Variants in CNTN5 observed in about 807,000 individuals in gnomAD.
The protein encoded by CNTN5 is contactin-5.
In CNTN5, 77 loss-of-function variants were observed where a neutral mutation model predicts 129.1. That is an observed-to-expected ratio of 0.60 (90% CI 0.50 to 0.72). CNTN5 has a LOEUF of 0.72. Ranked by LOEUF, CNTN5 falls within the 30% of genes least tolerant of loss-of-function variation. CNTN5 has a pLI of 0.00. For synonymous variants in CNTN5, 509 were observed against 465.6 expected (o/e 1.09, Z -1.20); for missense variants, 1,478 against 1,328.8 (o/e 1.11, Z -1.75).
chr11:99,289,514 A>G, intron 1 of CNTN5, among the ~76,000 whole-genome samples: 1 of 151,862 alleles, frequency 6.6e-6, no homozygotes, highest in Middle Eastern at 3.4e-3. Flanking sequence ...AATACACTCA[A>G]CTAAAATATG....
At chr11:99,342,568 T>C (rs1468045326) in intron 2 of CNTN5, among the ~76,000 whole-genome samples, 4 of 37,628 alleles carry the variant, frequency 1.1e-4, no homozygotes, top group African/African-American at 6.7e-4. Context: ...AACCCCGTTA[T>C]CTCAAAAAAA....
chr11:99,389,186 T>C (rs899148374), intron 2 of CNTN5, among the ~76,000 whole-genome samples: 2 of 151,852 alleles, frequency 1.3e-5, no homozygotes, highest in Non-Finnish European at 2.9e-5. Flanking sequence ...TGTGCCACCA[T>C]GCCTAGCTAA....
At chr11:99,347,333 G>A (rs1440415727) in intron 2 of CNTN5, among the ~76,000 whole-genome samples, 3 of 152,156 alleles carry the variant, frequency 2.0e-5, no homozygotes, top group Admixed American at 6.5e-5. Flanking sequence ...GACACAGGGC[G>A]TGGGAAGTGT....
intron 1 of CNTN5, among the ~76,000 whole-genome samples, chr11:99,248,941 A>G (rs1861958172): frequency 6.6e-6 from 1 of 152,050 alleles, no homozygotes; most frequent in Non-Finnish European, 1.5e-5. Context: ...TTGACTTGGC[A>G]ATGTCGGCTC....
chr11:99,781,292 C>G (rs1488053412), intron 3 of CNTN5, among the ~76,000 whole-genome samples: 1 of 152,020 alleles, frequency 6.6e-6, no homozygotes, highest in African/African-American at 2.4e-5. Flanking sequence ...TTGCTCAACT[C>G]AACAGTGGAG....
intron 18 of CNTN5, among the ~76,000 whole-genome samples, chr11:100,292,576 C>T (rs1276357845): frequency 6.6e-6 from 1 of 151,966 alleles, no homozygotes; most frequent in African/African-American, 2.4e-5. Context: ...AGCATCTGAA[C>T]TTCTCTATAG....
intron 13 of CNTN5, among the ~76,000 whole-genome samples, chr11:100,136,017 TC>T (rs559284816): frequency 1.4e-3 from 208 of 152,250 alleles, no homozygotes; most frequent in Non-Finnish European, 1.9e-3. Context: ...AGTGCTATGT[TC>T]AGGGGCATAT....
Position 100,168,266 on chromosome 11 carries a change from G to A in CNTN5, c.1581-22860G>A, listed in dbSNP as rs113825667. ...ATGAAAGTGGCTACACTAAACAGTAGATTTTCAATGTAGACAAAACAGCCT... is the reference window on the plus strand; with the variant it reads ...ATGAAAGTGGCTACACTAAACAGTAAATTTTCAATGTAGACAAAACAGCCT... On this transcript the variant is annotated intron_variant, in intron 13 of 24. Coordinates refer to ENST00000524871, the MANE Select transcript of CNTN5 (RefSeq NM_014361.4). 9.9e-3 allele frequency among the ~76,000 whole-genome samples: 1,505 copies of A among 152,078 alleles called. 22 individuals are homozygous for A. The highest frequency in any genetic ancestry group is 0.031 in the African/African-American group (1,298 of 41,536).
At chr11:99,348,341 C>A (rs997801002) in intron 2 of CNTN5, among the ~76,000 whole-genome samples, 2 of 152,008 alleles carry the variant, frequency 1.3e-5, no homozygotes, top group East Asian at 1.9e-4. Flanking sequence ...TCCGTCCCCC[C>A]CAAAAAAATA....
intron 18 of CNTN5, among the ~76,000 whole-genome samples, chr11:100,284,050 G>A (rs1188900695): frequency 6.6e-6 from 1 of 152,168 alleles, no homozygotes; most frequent in East Asian, 1.9e-4. Flanking sequence ...AAGCGACACT[G>A]AATTTAATGT....
intron 9 of CNTN5, 106 bp downstream of exon 9, chr11:100,002,242 A>G (rs892001163): frequency 6.2e-6 from 4 of 646,352 alleles, no homozygotes; most frequent in Non-Finnish European, 9.9e-6. Context: ...CAGTTGTTCC[A>G]TGGTGGCTAT....
chr11:99,766,536 A>C (rs1342631262), intron 3 of CNTN5, among the ~76,000 whole-genome samples: 1 of 152,030 alleles, frequency 6.6e-6, no homozygotes, highest in African/African-American at 2.4e-5. Flanking sequence ...AACTAATATA[A>C]AGTTCTAAAA....
intron 13 of CNTN5, among the ~76,000 whole-genome samples, chr11:100,147,092 C>CTTTA (rs960436490): frequency 7.2e-5 from 11 of 152,086 alleles, no homozygotes; most frequent in Non-Finnish European, 1.3e-4. Context: ...AGTCCATACT[C>CTTTA]TTTAGCATGG....
At chr11:99,701,495 T>C (rs944898102) in intron 3 of CNTN5, among the ~76,000 whole-genome samples, 8 of 151,152 alleles carry the variant, frequency 5.3e-5, no homozygotes, top group African/African-American at 1.9e-4. Context: ...CAAAGTGATA[T>C]AAATATTAGA....
At chr11:99,226,213 A>G (rs1416901944) in intron 1 of CNTN5, among the ~76,000 whole-genome samples, 2 of 152,194 alleles carry the variant, frequency 1.3e-5, no homozygotes, top group Admixed American at 1.3e-4. Flanking sequence ...AATCTATGAA[A>G]GAATTTTAGT....
chr11:99,547,155 C>T (rs540204988), intron 2 of CNTN5, among the ~76,000 whole-genome samples: 2 of 152,132 alleles, frequency 1.3e-5, no homozygotes, highest in South Asian at 4.1e-4. Flanking sequence ...AGTCATGCAC[C>T]ACCACACCCG....
At chr11:99,791,775 A>G (rs1333434383) in intron 3 of CNTN5, among the ~76,000 whole-genome samples, 1 of 151,824 alleles carries the variant, frequency 6.6e-6, no homozygotes, top group Non-Finnish European at 1.5e-5. Context: ...GTCTTTTCTG[A>G]TTTCTTAGAG....
intron 2 of CNTN5, among the ~76,000 whole-genome samples, chr11:99,349,419 A>G (rs944061867): frequency 7.2e-5 from 11 of 152,260 alleles, no homozygotes; most frequent in African/African-American, 2.6e-4. Flanking sequence ...CATGGCATTT[A>G]TGACAGATTT....
At chr11:99,576,582 GA>G in intron 3 of CNTN5, among the ~76,000 whole-genome samples, 1 of 152,152 alleles carries the variant, frequency 6.6e-6, no homozygotes, top group East Asian at 1.9e-4. Context: ...TTAATTCATA[GA>G]GGTAACAGAC....
Sources: allele counts gnomAD v4.1 joint callset (sites outside exome capture counted in the v4.1 genomes callset), GRCh38; gene constraint gnomAD v4.1.1; transcripts MANE v1.5; gene names NCBI Gene and HGNC (gene_info 2026-07-23, HGNC 2026-07-21).